THSD7A: variants seen among roughly 807,000 people sequenced by gnomAD.
THSD7A encodes thrombospondin type-1 domain-containing protein 7A.
A neutral mutation model predicts 231.3 loss-of-function variants in THSD7A; 96 were observed. The observed-to-expected ratio is 0.41, with a 90% CI of 0.35 to 0.49. The LOEUF (loss-of-function observed/expected upper bound fraction) is 0.49. THSD7A is among the 20% of genes least tolerant of loss of function. The pLI is 0.05. For missense variants in THSD7A, 2,290 were observed against 2,070.2 expected, an observed-to-expected ratio of 1.11 and a Z score of -2.06; for synonymous variants, 940 against 743.3, an observed-to-expected ratio of 1.26 and a Z score of -4.30.
chr7:11,474,256 C>A lies in THSD7A; in HGVS notation c.2252+78G>T. The A allele has an allele frequency of 8.1e-7, 1 of 1,232,088 alleles. No individual in the cohort carries two copies. The highest frequency in any genetic ancestry group is 1.1e-6 in the Non-Finnish European group (1 of 880,836). The allele number at this position is 1,232,088 out of a possible 1,614,324, so 76.3% of individuals were successfully genotyped here. ...TGACAAGCATCAAAATGTTCCATTT[C>A]ATGAAGCCAGTGAAGCCTGAGCCAA... On this transcript the variant is annotated intron_variant, in intron 8 of 27. Transcript: ENST00000423059. This position sits in a 1 kb window ranked among gnomAD's most constrained non-coding sequence, Gnocchi z 4.1.
chr7:11,746,370 T>C (rs1782304350), intron 1 of THSD7A, among the ~76,000 whole-genome samples: 1 of 151,898 alleles, frequency 6.6e-6, no homozygotes, highest in African/African-American at 2.4e-5. Flanking sequence ...TATTTGGATT[T>C]CACCAGTTTT....
intron 5 of THSD7A, among the ~76,000 whole-genome samples, chr7:11,541,895 C>T (rs756019396): frequency 2.0e-5 from 3 of 151,826 alleles, no homozygotes; most frequent in Non-Finnish European, 2.9e-5. Context: ...CTAGAAATGT[C>T]ATATAGTACC....
chr7:11,703,846 TAGA>T (rs1780680519), intron 1 of THSD7A, among the ~76,000 whole-genome samples: 1 of 151,182 alleles, frequency 6.6e-6, no homozygotes, highest in African/African-American at 2.4e-5. Flanking sequence ...GGAGCAAAGC[TAGA>T]AGATCAGAGA....
chr7:11,535,872 G>T (rs1054635244), intron 6 of THSD7A, among the ~76,000 whole-genome samples: 4 of 151,990 alleles, frequency 2.6e-5, no homozygotes, highest in Admixed American at 1.3e-4. Context: ...TCTTATTTAG[G>T]TGAGTTTCCA....
chr7:11,640,856 T>C (rs1419874769), intron 1 of THSD7A, among the ~76,000 whole-genome samples: 2 of 152,132 alleles, frequency 1.3e-5, no homozygotes. Flanking sequence ...AATGTTCTTT[T>C]CCCACTTTAT....
At chr7:11,389,291 A>G (rs117888414) in intron 23 of THSD7A, among the ~76,000 whole-genome samples, 3,524 of 152,272 alleles carry the variant, frequency 0.023, 64 homozygotes, top group Admixed American at 0.042. Flanking sequence ...CATTGGGTGC[A>G]TCTATATTTA....
At chr7:11,643,357 A>G (rs905180426) in intron 1 of THSD7A, among the ~76,000 whole-genome samples, 4 of 152,046 alleles carry the variant, frequency 2.6e-5, no homozygotes, top group African/African-American at 7.2e-5. Flanking sequence ...ACCCAACCAA[A>G]TCTCTGTAAA....
intron 13 of THSD7A, among the ~76,000 whole-genome samples, chr7:11,432,607 A>T (rs1446669066): frequency 1.3e-5 from 2 of 152,080 alleles, no homozygotes. Context: ...CTACATTGTG[A>T]TATGCGTTTT....
At chr7:11,561,711 A>G (rs940137273) in intron 4 of THSD7A, among the ~76,000 whole-genome samples, 5 of 152,098 alleles carry the variant, frequency 3.3e-5, no homozygotes, top group African/African-American at 9.7e-5. Flanking sequence ...CTCTACTAAA[A>G]ATACAAAAAT....
At chr7:11,792,176 A>T (rs1783972158) in intron 1 of THSD7A, among the ~76,000 whole-genome samples, 1 of 151,762 alleles carries the variant, frequency 6.6e-6, no homozygotes, top group Admixed American at 6.6e-5. Context: ...TCATCTCTCC[A>T]TCATTATTGC....
Position 11,696,293 on chromosome 7 carries a change from AG to A in THSD7A, c.191-59333del, listed in dbSNP as rs1158680604. 2.6e-5 allele frequency among the ~76,000 whole-genome samples: 4 copies of A among 151,668 alleles called. No homozygotes were observed. The East Asian group carries it at 7.9e-4, about 30-fold the overall frequency. On this transcript the variant is annotated intron_variant, in intron 1 of 27. Transcript: ENST00000423059. ...GCCAATGGATAATATGTGGTTTTAA[AG>A]GTTTACTATAGAAAAAAATAGCACA...
At chr7:11,558,915 A>G (rs1789960886) in intron 4 of THSD7A, among the ~76,000 whole-genome samples, 1 of 152,296 alleles carries the variant, frequency 6.6e-6, no homozygotes, top group African/African-American at 2.4e-5. Flanking sequence ...GGTGGACCCA[A>G]TCTACTTACA....
At chr7:11,747,168 G>A (rs1378204309) in intron 1 of THSD7A, among the ~76,000 whole-genome samples, 1 of 151,912 alleles carries the variant, frequency 6.6e-6, no homozygotes, top group Non-Finnish European at 1.5e-5. Flanking sequence ...TAGGAGACAT[G>A]ATTATTTGTA....
chr7:11,605,783 C>T (rs1193147834), intron 2 of THSD7A, among the ~76,000 whole-genome samples: 1 of 152,072 alleles, frequency 6.6e-6, no homozygotes, highest in African/African-American at 2.4e-5. Context: ...TTCCAGCCCT[C>T]AGAATTGCAC....
chr7:11,706,085 A>T (rs1465560101), intron 1 of THSD7A, among the ~76,000 whole-genome samples: 1 of 151,002 alleles, frequency 6.6e-6, no homozygotes, highest in Non-Finnish European at 1.5e-5. Flanking sequence ...AATTACAATA[A>T]TTTTACACTT....
At chr7:11,511,770 T>C (rs1417398417) in intron 6 of THSD7A, among the ~76,000 whole-genome samples, 1 of 152,208 alleles carries the variant, frequency 6.6e-6, no homozygotes, top group Non-Finnish European at 1.5e-5. Flanking sequence ...TTAAACCTTA[T>C]ACAAAAATTA....
At chr7:11,570,788 G>T (rs1269871340) in intron 4 of THSD7A, among the ~76,000 whole-genome samples, 1 of 152,216 alleles carries the variant, frequency 6.6e-6, no homozygotes, top group African/African-American at 2.4e-5. Flanking sequence ...TAGGGAGACA[G>T]CAGTGGGTAG....
At chr7:11,521,479 TA>T (rs200170029) in intron 6 of THSD7A, among the ~76,000 whole-genome samples, 10 of 111,958 alleles carry the variant, frequency 8.9e-5, no homozygotes, top group Admixed American at 3.4e-4. Flanking sequence ...TTTTTTATTT[TA>T]TTTATTTATT....
rs770378544 is a variant in THSD7A, at chr7:11,374,972, C to T, written c.*822G>A. Reference sequence around the variant, plus strand: ...ATGGCAATACTGGTTAAGCGCCTATCGTGCTGCACTAATATAGTGCAAAAA... The same window carrying T: ...ATGGCAATACTGGTTAAGCGCCTATTGTGCTGCACTAATATAGTGCAAAAA... On this transcript the variant is annotated 3_prime_UTR_variant, in exon 28 of 28. Transcript: ENST00000423059. 23 of 152,006 alleles carry T rather than the reference C, an allele frequency of 1.5e-4. No homozygotes were observed. The highest frequency in any genetic ancestry group is 3.6e-4 in the African/African-American group (15 of 41,396). The allele number at this position is 152,006 out of a possible 1,614,324, so 9.4% of individuals were successfully genotyped here. A position where few individuals can be genotyped will look rare whatever the true frequency, so the allele number is the denominator to read the frequency against.
Sources: allele counts gnomAD v4.1 joint callset (sites outside exome capture counted in the v4.1 genomes callset), GRCh38; gene constraint gnomAD v4.1.1; non-coding constraint Gnocchi (gnomAD v3.1); transcripts MANE v1.5; gene names NCBI Gene and HGNC (gene_info 2026-07-23, HGNC 2026-07-21).